ADAMTS16: variants seen among roughly 807,000 people sequenced by gnomAD.
ADAMTS16 encodes A disintegrin and metalloproteinase with thrombospondin motifs 16.
Under a neutral mutation model 145.8 loss-of-function variants are expected in ADAMTS16, and 94 were observed. The ratio of observed to expected loss-of-function variants is 0.64; its 90% CI spans 0.55 to 0.77. The LOEUF (loss-of-function observed/expected upper bound fraction) is 0.77, where lower values mean the gene tolerates loss of function less well. Among genes scored for constraint, ADAMTS16 ranks in the 30% least tolerant of loss-of-function variants. The pLI is 0.00. For missense variants in ADAMTS16, 1,585 were observed against 1,591.5 expected (o/e 1.00, Z 0.07); for synonymous variants, 659 against 604.3 (o/e 1.09, Z -1.33).
intron 12 of ADAMTS16, among the ~76,000 whole-genome samples, chr5:5,233,383 T>C (rs528645394): frequency 6.2e-4 from 95 of 152,350 alleles, no homozygotes; most frequent in South Asian, 3.9e-3. Context: ...TATAGGTTTG[T>C]TACATAAGCA....
At position 5,319,362 on chromosome 5, in the gene ADAMTS16, G is replaced by A. The variant is rs1734191050; in HGVS notation, c.*224G>A. 3 of 529,908 alleles carry A rather than the reference G, an allele frequency of 5.7e-6. No homozygotes were observed. The highest frequency in any genetic ancestry group is 3.3e-5 in the East Asian group (1 of 30,328). The allele number at this position is 529,908 out of a possible 1,614,324, so 32.8% of individuals were successfully genotyped here. A position where few individuals can be genotyped will look rare whatever the true frequency, so the allele number is the denominator to read the frequency against. On this transcript the variant is annotated 3_prime_UTR_variant, in exon 23 of 23. Coordinates refer to ENST00000274181, the MANE Select transcript of ADAMTS16 (RefSeq NM_139056.4). ...AGTGTCTCCTGTCAGGCTGAAATGTGGCACCCTGGCAGACAGAGCTGTGGC... is the reference window on the plus strand; with the variant it reads ...AGTGTCTCCTGTCAGGCTGAAATGTAGCACCCTGGCAGACAGAGCTGTGGC...
At chr5:5,288,615 G>A (rs1437101494) in intron 18 of ADAMTS16, among the ~76,000 whole-genome samples, 3 of 152,004 alleles carry the variant, frequency 2.0e-5, no homozygotes, top group Admixed American at 2.0e-4. Flanking sequence ...TACTTATCTG[G>A]GTATAAAATA....
At chr5:5,187,355 G>T (rs901603296) in intron 5 of ADAMTS16, among the ~76,000 whole-genome samples, 4 of 151,614 alleles carry the variant, frequency 2.6e-5, no homozygotes, top group Non-Finnish European at 5.9e-5. Context: ...GTATCCTCTT[G>T]GAATCCCATA....
At chr5:5,166,708 A>C (rs1275498998) in intron 3 of ADAMTS16, among the ~76,000 whole-genome samples, 2 of 152,250 alleles carry the variant, frequency 1.3e-5, no homozygotes, top group Admixed American at 6.5e-5. Context: ...AGAAAATCCC[A>C]AAACTTTGAG....
rs375182504 is a variant in ADAMTS16, at chr5:5,303,656, C to A, written c.3076C>A (p.Pro1026Thr). 5.0e-6 allele frequency: 8 copies of A among 1,613,906 alleles called. No homozygotes were observed. The African/African-American group carries it at 1.1e-4, about 22-fold the overall frequency. Residue 1026 changes from proline to threonine, a missense_variant, in exon 20 of 23, where the codon CCC becomes ACC. By Grantham distance (38) the Pro-to-Thr change is conservative. Around this residue, in one of 3 missense-constraint regions of ADAMTS16, gnomAD observed 834 missense variants for 811.7 expected, o/e 1.03. Coordinates refer to ENST00000274181, the MANE Select transcript of ADAMTS16 (RefSeq NM_139056.4). ...CCCCTCGGCCAGAGCGCAGCTGCTG[C>A]CCGACGCTGTCTGCACCTCCGAGCC... is the stretch of plus-strand genomic sequence containing the variant. ...TNPSARAQLL[P>T]DAVCTSEPKP...
intron 18 of ADAMTS16, among the ~76,000 whole-genome samples, chr5:5,276,611 C>T (rs772756454): frequency 6.6e-6 from 1 of 152,098 alleles, no homozygotes; most frequent in Non-Finnish European, 1.5e-5. Context: ...AGCAGCAGGC[C>T]GAGAGCCAGG....
At chr5:5,164,832 A>C (rs546706198) in intron 3 of ADAMTS16, among the ~76,000 whole-genome samples, 5 of 151,940 alleles carry the variant, frequency 3.3e-5, no homozygotes, top group African/African-American at 4.8e-5. Context: ...GCCCGCCACC[A>C]CGCCCGGCTA....
intron 5 of ADAMTS16, among the ~76,000 whole-genome samples, chr5:5,187,487 C>G (rs1263268660): frequency 6.6e-6 from 1 of 152,208 alleles, no homozygotes; most frequent in African/African-American, 2.4e-5. Flanking sequence ...GGAACCCTTA[C>G]CAACCCACAG....
chr5:5,293,412 C>T (rs16875283), intron 18 of ADAMTS16, among the ~76,000 whole-genome samples: 4,218 of 152,196 alleles, frequency 0.028, 80 homozygotes, highest in East Asian at 0.066. Flanking sequence ...CCTCTTGATC[C>T]GCAAACCAGT....
At chr5:5,198,077 T>C (rs1171291032) in intron 8 of ADAMTS16, among the ~76,000 whole-genome samples, 1 of 152,164 alleles carries the variant, frequency 6.6e-6, no homozygotes, top group Non-Finnish European at 1.5e-5. Flanking sequence ...TTCCCCAGAC[T>C]TGGGACATTG....
intron 3 of ADAMTS16, among the ~76,000 whole-genome samples, chr5:5,149,234 G>C (rs922852013): frequency 1.2e-4 from 19 of 152,272 alleles, no homozygotes; most frequent in Non-Finnish European, 1.2e-4. Flanking sequence ...AGTTAAGTAA[G>C]GGTAATTTTT....
chr5:5,235,496 T>A (rs1737080537), intron 13 of ADAMTS16, among the ~76,000 whole-genome samples: 1 of 152,154 alleles, frequency 6.6e-6, no homozygotes, highest in Non-Finnish European at 1.5e-5. Context: ...TGAATCAGTA[T>A]GTTTTTGAAT....
chr5:5,216,706 C>T (rs1349404119), intron 10 of ADAMTS16, among the ~76,000 whole-genome samples: 1 of 148,278 alleles, frequency 6.7e-6, no homozygotes, highest in Non-Finnish European at 1.5e-5. Context: ...GCTGCACCCA[C>T]TAACTCGTCA....
intron 13 of ADAMTS16, 140 bp downstream of exon 13, chr5:5,235,326 G>A (rs1213082689): frequency 5.6e-5 from 53 of 943,262 alleles, no homozygotes; most frequent in Non-Finnish European, 7.3e-5. Flanking sequence ...CTCTTCTGGA[G>A]GTTAGTTTTA....
chr5:5,210,684 G>A (rs1736251284), intron 10 of ADAMTS16, among the ~76,000 whole-genome samples: 1 of 152,132 alleles, frequency 6.6e-6, no homozygotes, highest in Admixed American at 6.5e-5. Context: ...CCATTAATAA[G>A]TATGATGTTA....
intron 18 of ADAMTS16, among the ~76,000 whole-genome samples, chr5:5,302,759 A>C (rs2126510618): frequency 6.6e-6 from 1 of 152,296 alleles, no homozygotes; most frequent in African/African-American, 2.4e-5. Flanking sequence ...GATGTTAACG[A>C]ATCATTAATG....
intron 3 of ADAMTS16, among the ~76,000 whole-genome samples, chr5:5,157,431 A>G (rs1734629924): frequency 6.6e-6 from 1 of 152,086 alleles, no homozygotes; most frequent in South Asian, 2.1e-4. Flanking sequence ...TCATATGCTG[A>G]TCACTCCCTA....
chr5:5,186,864 A>G (rs1735516889), intron 5 of ADAMTS16, among the ~76,000 whole-genome samples: 6 of 152,214 alleles, frequency 3.9e-5, no homozygotes, highest in Non-Finnish European at 8.8e-5. Context: ...GTGTGTTTTT[A>G]AGAATAGTTT....
At chr5:5,226,401 G>C (rs1247121612) in intron 11 of ADAMTS16, among the ~76,000 whole-genome samples, 1 of 152,048 alleles carries the variant, frequency 6.6e-6, no homozygotes, top group Admixed American at 6.6e-5. Context: ...CTTATTCACT[G>C]TCATGAGAAC....
Sources: gnomAD v4.1 joint callset for allele counts (sites outside exome capture counted in the v4.1 genomes callset) on GRCh38, gnomAD v4.1.1 for gene constraint, gnomAD v4.1.1 regional missense constraint, MANE v1.5 for transcripts, NCBI Gene and HGNC (gene_info 2026-07-23, HGNC 2026-07-21) for gene names.